The following COMT variants were observed in gnomAD, a reference collection of about 807,000 sequenced individuals.
COMT encodes the protein catechol O-methyltransferase.
Under a neutral mutation model 18.9 loss-of-function variants are expected in COMT, and 13 were observed. The ratio of observed to expected loss-of-function variants is 0.69; its 90% CI spans 0.45 to 1.09. COMT has a LOEUF of 1.09. Ranked by LOEUF, COMT falls within the 50% of genes least tolerant of loss-of-function variation. COMT has a pLI of 0.00. For synonymous variants in COMT, 150 were observed against 160.9 expected (o/e 0.93, Z 0.51); for missense variants, 329 against 361.8 (o/e 0.91, Z 0.73).
rs1941737703 is a variant in COMT, at chr22:19,941,910, G to GC, written c.-92+14dup. On this transcript the variant is annotated intron_variant, in intron 1 of 5. Transcript: ENST00000361682. Reference sequence around the variant, plus strand: ...CGTCGCGGGAGAGGTGAGAGCGCTGGCTAGACCGGGGCCGAATGCGGCCGG... The same window carrying GC: ...CGTCGCGGGAGAGGTGAGAGCGCTGGCCTAGACCGGGGCCGAATGCGGCCGG... The GC allele has an allele frequency of 8.2e-7, 1 of 1,213,280 alleles. No homozygotes were observed. Among genetic ancestry groups the GC allele is most frequent in the South Asian group, 2.0e-5 (1 of 51,230 alleles). 75.2% of individuals were successfully genotyped at this position (1,213,280 alleles called of 1,614,324 possible).
chr22:19,962,969 C>T, intron 3 of COMT, 154 bp downstream of exon 3: 1 of 937,382 alleles, frequency 1.1e-6, no homozygotes, highest in Non-Finnish European at 1.6e-6. Context: ...TCTGGAGTCC[C>T]AGGGTGCCAG....
At chr22:19,962,032 C>T (rs1601526105) in intron 2 of COMT, among the ~76,000 whole-genome samples, 2 of 152,256 alleles carry the variant, frequency 1.3e-5, no homozygotes, top group African/African-American at 4.8e-5. Flanking sequence ...ACATGAATCC[C>T]TGGGGCGTCC....
chr22:19,964,311 C>T lies in COMT; in HGVS notation c.615+12C>T, dbSNP rs2146172202. The T allele has an allele frequency of 6.2e-7, 1 of 1,613,828 alleles. No individual in the cohort carries two copies. Among genetic ancestry groups the T allele is most frequent in the Non-Finnish European group, 8.5e-7 (1 of 1,180,044 alleles). Reference sequence around the variant, plus strand: ...CGCTTCTCTTGGAGGTGAGCCCCAACCAGGATGGCATCCGTGCCAGCTGCT... The same window carrying T: ...CGCTTCTCTTGGAGGTGAGCCCCAATCAGGATGGCATCCGTGCCAGCTGCT... On this transcript the variant is annotated intron_variant, in intron 5 of 5. Coordinates refer to ENST00000361682, the MANE Select transcript of COMT (RefSeq NM_000754.4).
chr22:19,955,755 T>C (rs544706516), intron 1 of COMT, among the ~76,000 whole-genome samples: 1 of 152,280 alleles, frequency 6.6e-6, no homozygotes, highest in South Asian at 2.1e-4. Context: ...TGCAGGGTGC[T>C]GTTAGCATTG....
intron 5 of COMT, chr22:19,967,460 C>G (rs1208920974): frequency 2.2e-6 from 1 of 460,474 alleles, no homozygotes; most frequent in Admixed American, 2.4e-5. Flanking sequence ...AACTCCGGAC[C>G]TTGGGGCTGT....
intron 1 of COMT, among the ~76,000 whole-genome samples, chr22:19,947,206 G>A (rs1386583325): frequency 6.6e-6 from 1 of 152,058 alleles, no homozygotes; most frequent in Non-Finnish European, 1.5e-5. Flanking sequence ...GTGAGTCACC[G>A]CGTCCGGCCC....
chr22:19,964,802 C>T (rs927284713), intron 5 of COMT: 6 of 314,456 alleles, frequency 1.9e-5, no homozygotes, highest in East Asian at 1.5e-4. Context: ...GGCTAGACAG[C>T]GGGTGGGGCT....
intron 5 of COMT, chr22:19,967,726 G>A (rs1026048134): frequency 3.8e-6 from 1 of 263,912 alleles, no homozygotes; most frequent in Non-Finnish European, 7.5e-6. Flanking sequence ...TGGTGACTAA[G>A]TCAAATTTCC....
At chr22:19,942,034 C>G in intron 1 of COMT, 137 bp downstream of exon 1, 4 of 354,944 alleles carry the variant, frequency 1.1e-5, no homozygotes, top group Non-Finnish European at 1.5e-5. Context: ...TGGGAGTCTC[C>G]GGACTTGGGG....
At chr22:19,967,076 C>A in intron 5 of COMT, 1 of 1,225,622 alleles carries the variant, frequency 8.2e-7, no homozygotes. Context: ...TGACCAGTTT[C>A]GTAAAGGAGT....
chr22:19,952,866 G>A lies in COMT; in HGVS notation c.-91-8333G>A, dbSNP rs374508543. On this transcript the variant is annotated intron_variant, in intron 1 of 5. Coordinates refer to ENST00000361682, the MANE Select transcript of COMT (RefSeq NM_000754.4). ...CTCAGGAGGCTGAGGCAGGAGAATC[G>A]CTTGAACCCAGGAGGCGGAGGTTGC... Among the ~76,000 whole-genome samples, 324 of 148,734 alleles carry A rather than the reference G, an allele frequency of 2.2e-3. 2 individuals carry two copies. Among genetic ancestry groups the A allele is most frequent in the Non-Finnish European group, 3.8e-3 (255 of 67,212 alleles).
rs188086045 is a variant in COMT, at chr22:19,963,724, C to A, written c.448C>A (p.Gln150Lys). 32 of 1,612,822 alleles carry A rather than the reference C, an allele frequency of 2.0e-5. No individual in the cohort carries two copies. Among genetic ancestry groups the A allele is most frequent in the Non-Finnish European group, 2.7e-5 (32 of 1,180,006 alleles). ...CAACCCCGACTGTGCCGCCATCACC[C>A]AGCGGATGGTGGATTTCGCTGGCGT... ...EINPDCAAIT[Q>K]RMVDFAGVKD... Residue 150 changes from glutamine (Q) to lysine (K), a missense_variant, in exon 4 of 6, where the codon CAG becomes AAG. By Grantham distance (53) the Gln-to-Lys change is moderately conservative. Coordinates refer to ENST00000361682, the MANE Select transcript of COMT (RefSeq NM_000754.4).
chr22:19,968,035 G>A (rs567278485), intron 5 of COMT, among the ~76,000 whole-genome samples: 2 of 152,302 alleles, frequency 1.3e-5, no homozygotes, highest in South Asian at 2.1e-4. Flanking sequence ...GCTTGGGGAT[G>A]TCCAGAACTG....
At chr22:19,952,587 C>G (rs531355343) in intron 1 of COMT, among the ~76,000 whole-genome samples, 2 of 146,110 alleles carry the variant, frequency 1.4e-5, no homozygotes, top group East Asian at 4.1e-4. Flanking sequence ...TGCAGTGAGC[C>G]GAGATTGCGC....
intron 5 of COMT, 107 bp downstream of exon 5, chr22:19,964,406 C>A: frequency 6.6e-7 from 1 of 1,508,322 alleles, no homozygotes; most frequent in Non-Finnish European, 9.1e-7. Flanking sequence ...CCTGTGTGGA[C>A]ACAGCTCGCT....
chr22:19,941,976 G>C (rs1224246805), intron 1 of COMT, 79 bp downstream of exon 1: 1 of 553,150 alleles, frequency 1.8e-6, no homozygotes, highest in East Asian at 3.8e-5. Flanking sequence ...GGAACACTGG[G>C]ATAGGGTGTG....
intron 1 of COMT, among the ~76,000 whole-genome samples, chr22:19,954,005 G>A (rs1303180879): frequency 2.0e-5 from 3 of 152,172 alleles, no homozygotes; most frequent in African/African-American, 7.2e-5. Context: ...GTAAAGGAGT[G>A]GAGGGGCCCC....
At chr22:19,967,306 G>T in intron 5 of COMT, 1 of 980,620 alleles carries the variant, frequency 1.0e-6, no homozygotes, top group Non-Finnish European at 1.4e-6. Flanking sequence ...CAGACTGGAA[G>T]GCAGCCGCCC....
At chr22:19,968,056 G>C (rs552918424) in intron 5 of COMT, among the ~76,000 whole-genome samples, 1 of 152,308 alleles carries the variant, frequency 6.6e-6, no homozygotes, top group African/African-American at 2.4e-5. Flanking sequence ...ACCCCAAGGG[G>C]CAGGCTTGTT....
Sources: gnomAD v4.1 joint callset for allele counts (sites outside exome capture counted in the v4.1 genomes callset) on GRCh38, gnomAD v4.1.1 for gene constraint, MANE v1.5 for transcripts, NCBI Gene and HGNC (gene_info 2026-07-23, HGNC 2026-07-21) for gene names.